AKAP9: variants seen among roughly 807,000 people sequenced by gnomAD.
The protein encoded by AKAP9 is A-kinase anchoring protein 9, also known as A-kinase anchor protein 9.
A neutral mutation model predicts 488.5 loss-of-function variants in AKAP9; 311 were observed. That is an observed-to-expected ratio of 0.64 (90% CI 0.58 to 0.70). The LOEUF is 0.70. AKAP9 is among the 30% of genes least tolerant of loss of function. The probability of loss-of-function intolerance (pLI) is 0.00; values close to 1 mark genes in which losing one functional copy is unlikely to be tolerated. For missense variants in AKAP9, 4,215 were observed against 4,374.5 expected, an observed-to-expected ratio of 0.96 and a Z score of 1.03; for synonymous variants, 1,462 against 1,483.5, an observed-to-expected ratio of 0.99 and a Z score of 0.33.
Position 91,986,086 on chromosome 7 carries a change from A to G in AKAP9, c.351+5753A>G, listed in dbSNP as rs143668227. Among the ~76,000 whole-genome samples, 1,027 of 152,148 alleles carry G rather than the reference A, an allele frequency of 6.8e-3. 10 individuals are homozygous for G. The highest frequency in any genetic ancestry group is 0.024 in the African/African-American group (976 of 41,486). On this transcript the variant is annotated intron_variant, in intron 3 of 49. Coordinates refer to ENST00000356239, the MANE Select transcript of AKAP9 (RefSeq NM_005751.5). ...TGGTGGTCTATTAATTATTGCCTCAATTTCAGAGCCTGTTATTGGTCTATT... is the reference window on the plus strand; with the variant it reads ...TGGTGGTCTATTAATTATTGCCTCAGTTTCAGAGCCTGTTATTGGTCTATT...
chr7:91,994,834 T>C, intron 6 of AKAP9, 58 bp downstream of exon 6: 3 of 1,516,804 alleles, frequency 2.0e-6, no homozygotes, highest in Non-Finnish European at 2.7e-6. Flanking sequence ...TTTTAAAAAT[T>C]CACTTTCAAG....
chr7:92,074,477 A>G (rs1044041498), intron 28 of AKAP9, among the ~76,000 whole-genome samples: 5 of 152,230 alleles, frequency 3.3e-5, no homozygotes, highest in Non-Finnish European at 7.3e-5. Flanking sequence ...ATCTAGAACC[A>G]GAAATACCTT....
intron 21 of AKAP9, among the ~76,000 whole-genome samples, chr7:92,047,955 C>G (rs1472435555): frequency 1.3e-5 from 2 of 152,074 alleles, no homozygotes; most frequent in Non-Finnish European, 2.9e-5. Flanking sequence ...ACTAATATTA[C>G]TGGGGGACAG....
At chr7:92,004,579 A>G (rs557134612) in intron 8 of AKAP9, among the ~76,000 whole-genome samples, 2 of 152,288 alleles carry the variant, frequency 1.3e-5, no homozygotes, top group African/African-American at 4.8e-5. Context: ...CATTGAAGCA[A>G]TTGTGAATGG....
At chr7:92,043,519 A>AT (rs928502190) in intron 20 of AKAP9, 39 of 167,930 alleles carry the variant, frequency 2.3e-4, no homozygotes, top group South Asian at 2.1e-3. Context: ...TAAAATGAGT[A>AT]TTTTTTTTTA....
chr7:91,977,841 G>C (rs1037796520), intron 2 of AKAP9, among the ~76,000 whole-genome samples: 1 of 152,116 alleles, frequency 6.6e-6, no homozygotes, highest in African/African-American at 2.4e-5. Flanking sequence ...CATTTTGAAT[G>C]CAACAACTGT....
In AKAP9 at chr7:92,086,228, G is replaced by T; in HGVS notation, c.9025G>T (p.Val3009Phe). Residue 3009 changes from valine to phenylalanine, a missense_variant and splice_region_variant, in exon 37 of 50, where the codon GTT becomes TTT. Physicochemically the swap from Val to Phe is conservative, Grantham distance 50 (BLOSUM62 -1). Coordinates refer to ENST00000356239, the MANE Select transcript of AKAP9 (RefSeq NM_005751.5). Reference sequence around the variant, plus strand: ...ACTATCGTTATATGTACTTTGCTAGGTTTATGATAGTTCTCAATCTCATGA... The same window carrying T: ...ACTATCGTTATATGTACTTTGCTAGTTTTATGATAGTTCTCAATCTCATGA... ...TKMQLQREAEVYDSSQSHESF... is the reference protein window; with the variant it reads ...TKMQLQREAEFYDSSQSHESF... 1 of 1,613,210 alleles carries T rather than the reference G, an allele frequency of 6.2e-7. No homozygotes were observed. The highest frequency in any genetic ancestry group is 8.5e-7 in the Non-Finnish European group (1 of 1,179,226).
intron 21 of AKAP9, among the ~76,000 whole-genome samples, 167 bp downstream of exon 21, chr7:92,045,380 A>G (rs779226123): frequency 2.0e-5 from 3 of 152,224 alleles, no homozygotes; most frequent in Non-Finnish European, 4.4e-5. Context: ...ATTATTGTAT[A>G]GCATTTGCAA....
chr7:92,069,971 A>G (rs1390713165), intron 26 of AKAP9, 59 bp from the exon 27 acceptor site: 3 of 1,487,174 alleles, frequency 2.0e-6, no homozygotes, highest in Non-Finnish European at 2.8e-6. Context: ...AACTCAACCT[A>G]TACTAACTAG....
At position 92,102,631 on chromosome 7, in the gene AKAP9, G is replaced by T; in HGVS notation, c.11135G>T (p.Arg3712Leu). Residue 3712 changes from arginine to leucine, a missense_variant, in exon 46 of 50, where the codon CGA becomes CTA. By Grantham distance (102) the Arg-to-Leu change is moderately radical. Transcript: ENST00000356239. ...YGKYLRAESF[R>L]KALIYQKKYL... ...AAATACTTGAGGGCAGAAAGTTTTC[G>T]AAAGGCTCTCATTTACCAGAAGAAA... 1 of 1,614,142 alleles carries T rather than the reference G, an allele frequency of 6.2e-7. No individual in the cohort carries two copies. Among genetic ancestry groups the T allele is most frequent in the South Asian group, 1.1e-5 (1 of 91,086 alleles).
intron 1 of AKAP9, among the ~76,000 whole-genome samples, chr7:91,971,560 CTTTTTTTTTT>C (rs71107844): frequency 1.5e-5 from 1 of 68,558 alleles, no homozygotes; most frequent in Non-Finnish European, 2.6e-5. Flanking sequence ...ACATCTATTT[CTTTTTTTTTT>C]TTTTTTTTTT....
chr7:91,979,166 C>T (rs535036235), intron 2 of AKAP9, among the ~76,000 whole-genome samples: 18 of 152,078 alleles, frequency 1.2e-4, no homozygotes, highest in Admixed American at 1.0e-3. Context: ...TTGTATCATT[C>T]CATTTTCATG....
intron 14 of AKAP9, 52 bp from the exon 15 acceptor site, chr7:92,029,843 A>G: frequency 6.9e-7 from 1 of 1,453,670 alleles, no homozygotes; most frequent in Non-Finnish European, 9.7e-7. Flanking sequence ...TTGCATGAAC[A>G]CTAAAGCACA....
intron 1 of AKAP9, among the ~76,000 whole-genome samples, chr7:91,952,821 G>C (rs1792426240): frequency 6.6e-6 from 1 of 152,056 alleles, no homozygotes; most frequent in African/African-American, 2.4e-5. Context: ...GTATTTTTGT[G>C]TTTTATATAT....
In AKAP9 at chr7:91,995,664, A is replaced by C. The variant is rs1798307458; in HGVS notation, c.794A>C (p.Gln265Pro). 1.9e-6 allele frequency: 3 copies of C among 1,614,060 alleles called. No homozygotes were observed. The highest frequency in any genetic ancestry group is 3.3e-5 in the Admixed American group (2 of 59,966). Residue 265 changes from glutamine to proline, a missense_variant, in exon 7 of 50, where the codon CAA becomes CCA. Around this residue, in one of 5 missense-constraint regions of AKAP9, gnomAD observed 2,361 missense variants for 2,430.0 expected, o/e 0.97. Transcript: ENST00000356239. ...AGTAGCACAGCTGCAGACTTACTACAAGCCAAACAACAGATCCTCACTCAT... is the reference window on the plus strand; with the variant it reads ...AGTAGCACAGCTGCAGACTTACTACCAGCCAAACAACAGATCCTCACTCAT... ...THSSTAADLL[Q>P]AKQQILTHQQ...
In AKAP9 at chr7:92,038,541, T is replaced by C. The variant is rs1584264466; in HGVS notation, c.4461T>C (p.Tyr1487=). 6.2e-7 allele frequency: 1 copy of C among 1,613,946 alleles called. No individual in the cohort carries two copies. The highest frequency in any genetic ancestry group is 1.3e-5 in the African/African-American group (1 of 75,050). The change falls in exon 17 of 50, where the codon TAT becomes TAC. Residue 1487 remains tyrosine (Y), a synonymous_variant. Coordinates refer to ENST00000356239, the MANE Select transcript of AKAP9 (RefSeq NM_005751.5). ...CTGTGTGTCAGCAAGAACAACATTA[T>C]TTTAATGAAATGAAATTATCACAGG... The part of the protein sequence containing the change: ...AHAVCQQEQH[Y]FNEMKLSQDQ...
intron 23 of AKAP9, 66 bp from the exon 24 acceptor site, chr7:92,062,208 A>G (rs945167316): frequency 2.6e-5 from 37 of 1,411,216 alleles, no homozygotes; most frequent in Admixed American, 5.1e-5. Context: ...TGTTGTTTAT[A>G]TTAAAACCTA....
chr7:92,054,200 A>T (rs1420310451), intron 22 of AKAP9, among the ~76,000 whole-genome samples: 2 of 152,190 alleles, frequency 1.3e-5, no homozygotes, highest in East Asian at 3.8e-4. Flanking sequence ...TTGATTAATA[A>T]CTAAAATTAT....
At chr7:92,060,534 G>A (rs1187570085) in intron 22 of AKAP9, among the ~76,000 whole-genome samples, 2 of 152,122 alleles carry the variant, frequency 1.3e-5, no homozygotes, top group African/African-American at 2.4e-5. Flanking sequence ...GTGATCAAGA[G>A]AGCTTTGGCT....
Sources: gnomAD v4.1 joint callset for allele counts (sites outside exome capture counted in the v4.1 genomes callset) on GRCh38, gnomAD v4.1.1 for gene constraint, gnomAD v4.1.1 regional missense constraint, MANE v1.5 for transcripts, NCBI Gene and HGNC (gene_info 2026-07-23, HGNC 2026-07-21) for gene names.